The following PARD3 variants were observed in gnomAD, a reference collection of about 807,000 sequenced individuals.
PARD3 encodes the protein partitioning defective 3 homolog.
PARD3 carries 75 observed loss-of-function variants against 155.4 expected under a neutral mutation model. That is an observed-to-expected ratio of 0.48 (90% CI 0.40 to 0.58). The LOEUF is 0.58. Among genes scored for constraint, PARD3 ranks in the 20% least tolerant of loss-of-function variants. The pLI, the probability that PARD3 is intolerant of heterozygous loss-of-function variation, is 0.00. For synonymous variants in PARD3, 576 were observed against 610.5 expected (o/e 0.94, Z 0.83); for missense variants, 1,642 against 1,721.7 (o/e 0.95, Z 0.82).
At chr10:34,291,763 A>G (rs1956684982) in intron 20 of PARD3, among the ~76,000 whole-genome samples, 1 of 152,244 alleles carries the variant, frequency 6.6e-6, no homozygotes, top group African/African-American at 2.4e-5. Flanking sequence ...TACATGAGAT[A>G]GAACTGGGTG....
intron 3 of PARD3, among the ~76,000 whole-genome samples, chr10:34,484,214 A>G (rs865946551): frequency 6.6e-6 from 1 of 152,362 alleles, no homozygotes; most frequent in Middle Eastern, 3.4e-3. Flanking sequence ...AAGTGACTCA[A>G]ACTGTTTGCC....
chr10:34,548,168 T>G (rs2084254490), intron 2 of PARD3, among the ~76,000 whole-genome samples: 1 of 152,192 alleles, frequency 6.6e-6, no homozygotes, highest in African/African-American at 2.4e-5. Flanking sequence ...CCGTCTCATT[T>G]CCTACAGAAG....
intron 2 of PARD3, among the ~76,000 whole-genome samples, chr10:34,673,050 A>G (rs1379282311): frequency 6.6e-6 from 1 of 152,176 alleles, no homozygotes; most frequent in Non-Finnish European, 1.5e-5. Flanking sequence ...TCAGTGATCT[A>G]AACGATTCTA....
chr10:34,695,426 C>T (rs1231046642), intron 2 of PARD3, among the ~76,000 whole-genome samples: 2 of 145,022 alleles, frequency 1.4e-5, no homozygotes, highest in Non-Finnish European at 3.0e-5. Flanking sequence ...AGTGAGCAGC[C>T]GAGATCACGC....
chr10:34,525,772 G>C (rs115646001), intron 2 of PARD3, among the ~76,000 whole-genome samples: 1,939 of 151,560 alleles, frequency 0.013, 43 homozygotes, highest in African/African-American at 0.044. Flanking sequence ...CTCTGTGCCC[G>C]GCCAAAATAT....
chr10:34,182,970 AT>A (rs1950330834), intron 22 of PARD3, among the ~76,000 whole-genome samples: 1 of 152,232 alleles, frequency 6.6e-6, no homozygotes, highest in Non-Finnish European at 1.5e-5. Flanking sequence ...TCTATGTCAG[AT>A]AAGCAGACTG....
intron 22 of PARD3, among the ~76,000 whole-genome samples, chr10:34,142,833 T>G (rs1054818395): frequency 2.6e-5 from 4 of 152,350 alleles, no homozygotes; most frequent in Admixed American, 2.6e-4. Flanking sequence ...TGAAGAAAGT[T>G]TGTGGATTAT....
intron 1 of PARD3, among the ~76,000 whole-genome samples, chr10:34,750,446 CTCTT>C (rs1835853815): frequency 1.4e-5 from 2 of 142,550 alleles, no homozygotes; most frequent in Non-Finnish European, 3.0e-5. Context: ...CAGTTACATC[CTCTT>C]TCTCTCTTTC....
At chr10:34,380,109 C>T (rs61842497) in intron 9 of PARD3, among the ~76,000 whole-genome samples, 2,439 of 152,140 alleles carry the variant, frequency 0.016, 25 homozygotes, top group Non-Finnish European at 0.024. Flanking sequence ...ACAAGGAAAG[C>T]CTGTTCAATT....
chr10:34,448,407 A>T (rs2132753930), intron 5 of PARD3, among the ~76,000 whole-genome samples: 1 of 152,230 alleles, frequency 6.6e-6, no homozygotes, highest in South Asian at 2.1e-4. Context: ...AAGGAAAAAT[A>T]TTGGCCATAG....
At chr10:34,170,868 G>A (rs1949754153) in intron 22 of PARD3, among the ~76,000 whole-genome samples, 1 of 152,188 alleles carries the variant, frequency 6.6e-6, no homozygotes, top group South Asian at 2.1e-4. Flanking sequence ...CTTGATTAGT[G>A]CATCTGTCAT....
intron 15 of PARD3, among the ~76,000 whole-genome samples, chr10:34,342,124 G>A (rs766436366): frequency 9.2e-5 from 14 of 152,112 alleles, no homozygotes; most frequent in Non-Finnish European, 1.5e-4. Context: ...AATGCTACAC[G>A]CATTCTAAAC....
intron 20 of PARD3, among the ~76,000 whole-genome samples, chr10:34,291,416 CTAAG>C (rs1369387263): frequency 6.6e-6 from 1 of 152,164 alleles, no homozygotes; most frequent in African/African-American, 2.4e-5. Flanking sequence ...TGTGTAATTC[CTAAG>C]TGAGACATAA....
rs567177141 is a variant in PARD3, at chr10:34,576,020, A to G, written c.223-58861T>C. On this transcript the variant is annotated intron_variant, in intron 2 of 24. Transcript: ENST00000374788. The stretch of plus-strand genomic sequence containing the variant: ...TTCTACTGACTCATAAGAACGAGTC[A>G]GGGAAATGTGTGTTGCTTCTTCAAG... 2.0e-5 allele frequency among the ~76,000 whole-genome samples: 3 copies of G among 152,348 alleles called. No individual in the cohort carries two copies. The East Asian group carries it at 5.8e-4, about 29-fold the overall frequency.
intron 5 of PARD3, among the ~76,000 whole-genome samples, chr10:34,417,774 C>T (rs1414383984): frequency 1.3e-5 from 2 of 152,104 alleles, no homozygotes; most frequent in African/African-American, 2.4e-5. Context: ...CAATGTGGTA[C>T]AAAGAGAAAT....
chr10:34,605,026 C>T (rs2090109791), intron 2 of PARD3, among the ~76,000 whole-genome samples: 1 of 151,922 alleles, frequency 6.6e-6, no homozygotes, highest in Admixed American at 6.6e-5. Flanking sequence ...AAAACTTTCA[C>T]TGAGTTTCTC....
intron 22 of PARD3, among the ~76,000 whole-genome samples, chr10:34,168,091 G>A (rs1279744253): frequency 2.0e-5 from 3 of 152,014 alleles, no homozygotes; most frequent in Non-Finnish European, 4.4e-5. Context: ...TGAAAAGGCT[G>A]AATATTTGAT....
At chr10:34,449,669 T>C (rs1163446375) in intron 5 of PARD3, among the ~76,000 whole-genome samples, 2 of 152,026 alleles carry the variant, frequency 1.3e-5, no homozygotes, top group Non-Finnish European at 2.9e-5. Flanking sequence ...AGGAGGACTT[T>C]GCTAAGTGAT....
intron 1 of PARD3, among the ~76,000 whole-genome samples, chr10:34,768,072 A>G (rs1379034211): frequency 1.3e-5 from 2 of 152,186 alleles, no homozygotes; most frequent in African/African-American, 2.4e-5. Context: ...TTACGTTGTC[A>G]GTCCTCACTT....
Sources: allele counts gnomAD v4.1 joint callset (sites outside exome capture counted in the v4.1 genomes callset), GRCh38; gene constraint gnomAD v4.1.1; transcripts MANE v1.5; gene names NCBI Gene and HGNC (gene_info 2026-07-23, HGNC 2026-07-21).